Variants in EDA observed in about 807,000 individuals in gnomAD.
EDA encodes ectodysplasin A.
A neutral mutation model predicts 23.6 loss-of-function variants in EDA; 2 were observed. That is an observed-to-expected ratio of 0.08 (90% CI 0.03 to 0.27). The LOEUF (loss-of-function observed/expected upper bound fraction) is 0.27. EDA is among the 10% of genes least tolerant of loss of function. EDA has a pLI of 1.00. For missense variants in EDA, 229 were observed against 324.2 expected (o/e 0.71, Z 2.26); for synonymous variants, 131 against 132.0 (o/e 0.99, Z 0.05).
rs758062517 is a variant in EDA at position 69,976,537 on chromosome X, C to A, written c.502+19405C>A. ...TTAGTGTTTTGAGAATTTCCTAATA[C>A]CCCTTGGGAAAATATCAGAGACCCA... On this transcript the variant is annotated intron_variant, in intron 2 of 7. Coordinates refer to ENST00000374552, the MANE Select transcript of EDA (RefSeq NM_001399.5). 2.1e-3 allele frequency among the ~76,000 whole-genome samples: 241 copies of A among 112,192 alleles called. 1 individual carries two copies. Among genetic ancestry groups the A allele is most frequent in the Non-Finnish European group, 3.9e-3 (210 of 53,208 alleles).
In EDA at chrX:70,038,665, T is replaced by G. The variant is rs3795170; in HGVS notation, c.*3056T>G. ...CATCCATCCTGAGCCAAATTTCTTT[T>G]GCTGAACAGGAAAGAGCTAGGAACC... On this transcript the variant is annotated 3_prime_UTR_variant, in exon 8 of 8. Transcript: ENST00000374552. 0.33 allele frequency: 36,545 copies of G among 111,085 alleles called. 4,767 individuals are homozygous for G. The highest frequency in any genetic ancestry group is 0.52 in the East Asian group (1,810 of 3,454). The allele number at this position is 111,085 out of a possible 1,213,427, so 9.2% of individuals were successfully genotyped here.
chrX:69,788,981 A>T (rs2015305759), intron 1 of EDA, among the ~76,000 whole-genome samples: 1 of 112,529 alleles, frequency 8.9e-6, no homozygotes, highest in Non-Finnish European at 1.9e-5. Flanking sequence ...CAGGTGCGGG[A>T]TATAATCTCG....
intron 1 of EDA, among the ~76,000 whole-genome samples, chrX:69,863,493 ATATATATATATACATATATATG>A (rs1224006258): frequency 1.1e-5 from 1 of 94,347 alleles, no homozygotes; most frequent in East Asian, 3.1e-4. Flanking sequence ...AGAAAAGTGT[ATATATATATATACATATATATG>A]TATATATATG....
chrX:69,623,733 T>A (rs190767459), intron 1 of EDA, among the ~76,000 whole-genome samples: 1 of 107,949 alleles, frequency 9.3e-6, no homozygotes, highest in African/African-American at 3.4e-5. Context: ...ACAGGAACAA[T>A]GCAAGGTAGA....
intron 1 of EDA, among the ~76,000 whole-genome samples, chrX:69,832,008 G>A (rs1239804522): frequency 1.8e-5 from 2 of 111,676 alleles, no homozygotes; most frequent in African/African-American, 6.5e-5. Context: ...TCTGATGGTA[G>A]TTTCTTTTGC....
Position 69,624,052 on chromosome X carries a change from A to G in EDA, c.396+7348A>G, listed in dbSNP as rs1399841411. On this transcript the variant is annotated intron_variant, in intron 1 of 7. Coordinates refer to ENST00000374552, the MANE Select transcript of EDA (RefSeq NM_001399.5). ...CCTCTTATACCAAAATAAATTCCAG[A>G]TGGAACAAAGATTTACATGTAAAAC... Among the ~76,000 whole-genome samples, 23 of 111,500 alleles carry G rather than the reference A, an allele frequency of 2.1e-4. No individual in the cohort carries two copies. The Admixed American group carries it at 2.2e-3, about 11-fold the overall frequency.
intron 1 of EDA, among the ~76,000 whole-genome samples, chrX:69,803,818 C>T (rs1191986446): frequency 9.1e-6 from 1 of 109,978 alleles, no homozygotes; most frequent in East Asian, 2.9e-4. Flanking sequence ...TCCCTTCCCC[C>T]TCCCCTTCCC....
At chrX:69,696,774 G>C (rs1342927622) in intron 1 of EDA, among the ~76,000 whole-genome samples, 1 of 112,180 alleles carries the variant, frequency 8.9e-6, no homozygotes. Context: ...CTTCTTCATA[G>C]AGTAGTTTTT....
intron 1 of EDA, among the ~76,000 whole-genome samples, chrX:69,734,721 A>G (rs972778792): frequency 8.9e-6 from 1 of 111,829 alleles, no homozygotes; most frequent in African/African-American, 3.2e-5. Flanking sequence ...TTAATTTCCA[A>G]GCATTTGGAA....
chrX:69,853,829 T>C (rs1340987611), intron 1 of EDA, among the ~76,000 whole-genome samples: 2 of 109,686 alleles, frequency 1.8e-5, no homozygotes, highest in Non-Finnish European at 1.9e-5. Flanking sequence ...CAGTCTTTGT[T>C]GCATACTCCT....
intron 1 of EDA, among the ~76,000 whole-genome samples, chrX:69,713,580 G>A (rs1201850524): frequency 9.0e-6 from 1 of 111,538 alleles, no homozygotes; most frequent in African/African-American, 3.3e-5. Flanking sequence ...CTACAGTTTT[G>A]TCATTTCTAA....
At chrX:69,777,143 T>TG (rs201146803) in intron 1 of EDA, among the ~76,000 whole-genome samples, 35,863 of 98,951 alleles carry the variant, frequency 0.36, 5,024 homozygotes, top group Middle Eastern at 0.58. Flanking sequence ...TGATTCTGGG[T>TG]TTTGTTGTTG....
At chrX:69,800,538 C>T (rs2015659105) in intron 1 of EDA, among the ~76,000 whole-genome samples, 1 of 110,485 alleles carries the variant, frequency 9.1e-6, no homozygotes, top group African/African-American at 3.3e-5. Flanking sequence ...TAAAAAATAA[C>T]CTGATGCCTC....
chrX:69,680,657 TG>T, intron 1 of EDA, among the ~76,000 whole-genome samples: 1 of 64,500 alleles, frequency 1.6e-5, no homozygotes, highest in South Asian at 1.0e-3. Context: ...TGCCTTTTTT[TG>T]TTTTCCATTT....
At position 70,037,842 on chromosome X, in the gene EDA, G is replaced by T. The variant is rs778432813; in HGVS notation, c.*2233G>T. 8.9e-6 allele frequency: 1 copy of T among 111,944 alleles called. No individual in the cohort carries two copies. Among genetic ancestry groups the T allele is most frequent in the Non-Finnish European group, 1.9e-5 (1 of 53,229 alleles). 9.2% of individuals were successfully genotyped at this position (111,944 alleles called of 1,213,427 possible). A position where few individuals can be genotyped will look rare whatever the true frequency, so the allele number is the denominator to read the frequency against. On this transcript the variant is annotated 3_prime_UTR_variant, in exon 8 of 8. Transcript: ENST00000374552. Reference sequence around the variant, plus strand: ...CAGCGAACAGCCTTAGAGCTCTTGTGTTCAGAAGAATCTTCCTGGCACAAT... The same window carrying T: ...CAGCGAACAGCCTTAGAGCTCTTGTTTTCAGAAGAATCTTCCTGGCACAAT...
At chrX:69,688,989 C>A (rs1183669836) in intron 1 of EDA, among the ~76,000 whole-genome samples, 1 of 111,732 alleles carries the variant, frequency 8.9e-6, no homozygotes, top group Admixed American at 9.5e-5. Context: ...GTTGTCCCAG[C>A]ACCATTTGTT....
intron 1 of EDA, among the ~76,000 whole-genome samples, chrX:69,732,487 T>C (rs1245808448): frequency 8.9e-6 from 1 of 112,523 alleles, no homozygotes; most frequent in Non-Finnish European, 1.9e-5. Context: ...CATTTTCTTA[T>C]GCAGTCTATC....
chrX:69,617,817 A>G (rs559372081), intron 1 of EDA: 11 of 310,539 alleles, frequency 3.5e-5, no homozygotes, highest in South Asian at 2.2e-4. Flanking sequence ...AGTCATTGTC[A>G]CAACTCTGTA....
At chrX:69,847,667 G>A (rs1338387772) in intron 1 of EDA, among the ~76,000 whole-genome samples, 10 of 111,396 alleles carry the variant, frequency 9.0e-5, no homozygotes, top group Non-Finnish European at 1.9e-4. Flanking sequence ...GTATTCCGTT[G>A]TTTGAATGTA....
Sources: gnomAD v4.1 joint callset for allele counts (sites outside exome capture counted in the v4.1 genomes callset) on GRCh38, gnomAD v4.1.1 for gene constraint, MANE v1.5 for transcripts, NCBI Gene and HGNC (gene_info 2026-07-23, HGNC 2026-07-21) for gene names.